The following CDKAL1 variants were observed in gnomAD, a reference collection of about 807,000 sequenced individuals.
CDKAL1 encodes the protein threonylcarbamoyladenosine tRNA methylthiotransferase.
In CDKAL1, 32 loss-of-function variants were observed where a neutral mutation model predicts 68.2. The observed-to-expected ratio is 0.47, with a 90% CI of 0.35 to 0.63. The LOEUF (loss-of-function observed/expected upper bound fraction) is 0.63. CDKAL1 is among the 30% of genes least tolerant of loss of function. The pLI is 0.00. For synonymous variants in CDKAL1, 234 were observed against 244.3 expected, an observed-to-expected ratio of 0.96 and a Z score of 0.39; for missense variants, 606 against 696.7, an observed-to-expected ratio of 0.87 and a Z score of 1.47.
chr6:21,227,378 G>C (rs1198093525), intron 15 of CDKAL1, among the ~76,000 whole-genome samples: 2 of 152,148 alleles, frequency 1.3e-5, no homozygotes, highest in Non-Finnish European at 2.9e-5. Flanking sequence ...CAATTGAAAT[G>C]TGCAAAGCTA....
At chr6:20,969,352 T>C (rs891736557) in intron 10 of CDKAL1, among the ~76,000 whole-genome samples, 3 of 152,130 alleles carry the variant, frequency 2.0e-5, no homozygotes, top group African/African-American at 7.2e-5. Context: ...AGAGAAAATA[T>C]ATTTACTATT....
intron 12 of CDKAL1, among the ~76,000 whole-genome samples, chr6:21,079,976 C>CTCTCTGTGTGTGTGTGTGTGTGTGTGTG (rs1554171489): frequency 7.4e-6 from 1 of 135,750 alleles, no homozygotes; most frequent in African/African-American, 2.8e-5. Context: ...AACTTTGTCT[C>CTCTCTGTGTGTGTGTGTGTGTGTGTGTG]TGTGTGTGTG....
At chr6:20,851,862 A>G (rs889798455) in intron 9 of CDKAL1, among the ~76,000 whole-genome samples, 1 of 151,982 alleles carries the variant, frequency 6.6e-6, no homozygotes, top group Non-Finnish European at 1.5e-5. Flanking sequence ...TTTCTATTGT[A>G]TAAGCTTAAA....
At chr6:20,877,862 A>G (rs1426940350) in intron 9 of CDKAL1, among the ~76,000 whole-genome samples, 1 of 152,102 alleles carries the variant, frequency 6.6e-6, no homozygotes, top group Non-Finnish European at 1.5e-5. Flanking sequence ...AATTTTGGCC[A>G]TCTGTGGTCT....
At chr6:20,800,886 T>A (rs1776338257) in intron 8 of CDKAL1, among the ~76,000 whole-genome samples, 1 of 152,142 alleles carries the variant, frequency 6.6e-6, no homozygotes, top group Non-Finnish European at 1.5e-5. Context: ...AGTGCTGGGA[T>A]TATAGGCATG....
intron 9 of CDKAL1, among the ~76,000 whole-genome samples, chr6:20,905,226 G>A: frequency 6.6e-6 from 1 of 152,076 alleles, no homozygotes; most frequent in East Asian, 1.9e-4. Context: ...AAACAAACTA[G>A]AAATATTAAG....
intron 13 of CDKAL1, among the ~76,000 whole-genome samples, chr6:21,194,309 T>C (rs1337700083): frequency 2.6e-5 from 4 of 152,256 alleles, no homozygotes; most frequent in Non-Finnish European, 5.9e-5. Context: ...TTTGTCCATT[T>C]TTCACAGTGA....
rs1330083657 is a variant in CDKAL1, at chr6:20,539,503, G to T, written c.-6+4109G>T. ...GAAGAGGGTGTGTGGTGAGGTGGGG[G>T]TGTTGGTTGGAAAGTCCTCTCTTGT... On this transcript the variant is annotated intron_variant, in intron 2 of 15. Coordinates refer to ENST00000274695, the MANE Select transcript of CDKAL1 (RefSeq NM_017774.3). The surrounding 1 kb of genome is among the most constrained non-coding windows in gnomAD (Gnocchi z 4.3). Among the ~76,000 whole-genome samples, 1 of 152,214 alleles carries T rather than the reference G, an allele frequency of 6.6e-6. No individual in the cohort carries two copies. The highest frequency in any genetic ancestry group is 1.9e-4 in the East Asian group (1 of 5,204).
Position 20,956,483 on chromosome 6 carries a change from A to G in CDKAL1, c.909+898A>G, listed in dbSNP as rs976574744. ...AAATAATTACTTTAGACCCATAGTT[A>G]TGGAAATAAAATCTGATTAGTGCAA... On this transcript the variant is annotated intron_variant, in intron 10 of 15. Coordinates refer to ENST00000274695, the MANE Select transcript of CDKAL1 (RefSeq NM_017774.3). Among the ~76,000 whole-genome samples, 20 of 152,248 alleles carry G rather than the reference A, an allele frequency of 1.3e-4. 1 individual carries two copies.
intron 4 of CDKAL1, among the ~76,000 whole-genome samples, chr6:20,607,685 C>G (rs1454628048): frequency 1.3e-5 from 2 of 151,332 alleles, no homozygotes; most frequent in African/African-American, 4.9e-5. Context: ...AATGAGATAG[C>G]TTTTTTCTTT....
intron 5 of CDKAL1, among the ~76,000 whole-genome samples, chr6:20,668,454 C>T (rs1045367454): frequency 6.6e-6 from 1 of 152,164 alleles, no homozygotes; most frequent in Admixed American, 6.5e-5. Flanking sequence ...GCCTCAGCCT[C>T]CTGAGTAGCT....
At chr6:21,058,606 G>A (rs1770966946) in intron 11 of CDKAL1, among the ~76,000 whole-genome samples, 1 of 152,208 alleles carries the variant, frequency 6.6e-6, no homozygotes, top group South Asian at 2.1e-4. Flanking sequence ...GCTTCATAGT[G>A]TCATTGGTTT....
At chr6:20,886,703 AAGAAGTAGATT>A (rs1358026436) in intron 9 of CDKAL1, among the ~76,000 whole-genome samples, 1 of 152,206 alleles carries the variant, frequency 6.6e-6, no homozygotes, top group African/African-American at 2.4e-5. Context: ...TCATGGAGAC[AAGAAGTAGATT>A]AGAGGTTACC....
At chr6:20,584,193 A>G (rs1416254815) in intron 4 of CDKAL1, among the ~76,000 whole-genome samples, 1 of 151,852 alleles carries the variant, frequency 6.6e-6, no homozygotes, top group Non-Finnish European at 1.5e-5. Flanking sequence ...ACCTGTTCAG[A>G]TTCTTAAGGC....
intron 2 of CDKAL1, among the ~76,000 whole-genome samples, chr6:20,536,276 G>C (rs1763170120): frequency 6.6e-6 from 1 of 151,762 alleles, no homozygotes; most frequent in Admixed American, 6.6e-5. Context: ...TCCTTTTGTT[G>C]CTTGTGCTTT....
intron 5 of CDKAL1, among the ~76,000 whole-genome samples, chr6:20,657,912 A>G (rs1181428009): frequency 6.6e-6 from 1 of 152,160 alleles, no homozygotes; most frequent in Non-Finnish European, 1.5e-5. Flanking sequence ...AGCCTGCTGG[A>G]TGCATACTAG....
At chr6:20,591,537 G>A (rs78476412) in intron 4 of CDKAL1, among the ~76,000 whole-genome samples, 10,446 of 152,170 alleles carry the variant, frequency 0.069, 516 homozygotes, top group African/African-American at 0.13. Flanking sequence ...TCTATAAGGT[G>A]TAAGGAAGGG....
chr6:20,668,873 T>C (rs1044726695), intron 5 of CDKAL1, among the ~76,000 whole-genome samples: 35 of 152,202 alleles, frequency 2.3e-4, no homozygotes, highest in African/African-American at 7.7e-4. Context: ...TCAGTTGTGT[T>C]ATAGAACATT....
intron 4 of CDKAL1, among the ~76,000 whole-genome samples, chr6:20,579,456 A>G (rs570590917): frequency 3.9e-5 from 6 of 152,300 alleles, no homozygotes; most frequent in African/African-American, 1.2e-4. Flanking sequence ...GAGTTTTTAC[A>G]TATAGCTTTT....
Sources: gnomAD v4.1 joint callset for allele counts (sites outside exome capture counted in the v4.1 genomes callset) on GRCh38, gnomAD v4.1.1 for gene constraint, Gnocchi (gnomAD v3.1) non-coding constraint, MANE v1.5 for transcripts, NCBI Gene and HGNC (gene_info 2026-07-23, HGNC 2026-07-21) for gene names.